ADGRB3: variants seen among roughly 807,000 people sequenced by gnomAD.
ADGRB3 encodes adhesion G protein-coupled receptor B3.
ADGRB3 carries 37 observed loss-of-function variants against 193.4 expected under a neutral mutation model. That is an observed-to-expected ratio of 0.19 (90% CI 0.15 to 0.25). The LOEUF (loss-of-function observed/expected upper bound fraction) is 0.25. ADGRB3 is among the 10% of genes least tolerant of loss of function. The probability of loss-of-function intolerance (pLI) is 1.00; values close to 1 mark genes in which losing one functional copy is unlikely to be tolerated. For missense variants in ADGRB3, 1,637 were observed against 1,852.9 expected (o/e 0.88, Z 2.14); for synonymous variants, 690 against 644.2 (o/e 1.07, Z -1.08).
chr6:69,361,992 T>A (rs1769465444), intron 29 of ADGRB3, among the ~76,000 whole-genome samples: 1 of 151,940 alleles, frequency 6.6e-6, no homozygotes, highest in Admixed American at 6.6e-5. Flanking sequence ...TTTCTCTAAA[T>A]GTTTTACCAT....
intron 17 of ADGRB3, among the ~76,000 whole-genome samples, chr6:69,194,333 T>C (rs575335087): frequency 4.6e-5 from 7 of 152,074 alleles, no homozygotes; most frequent in Non-Finnish European, 2.9e-5. Flanking sequence ...ACATATTGGG[T>C]AATAGTGATA....
intron 11 of ADGRB3, among the ~76,000 whole-genome samples, chr6:69,012,442 G>A (rs1047799379): frequency 9.9e-5 from 15 of 152,092 alleles, no homozygotes; most frequent in African/African-American, 3.6e-4. Flanking sequence ...CCAGTCACAG[G>A]CAATTGGAGA....
At chr6:69,091,006 A>C (rs1772689103) in intron 17 of ADGRB3, among the ~76,000 whole-genome samples, 1 of 152,236 alleles carries the variant, frequency 6.6e-6, no homozygotes, top group Admixed American at 6.5e-5. Flanking sequence ...ACTTCTAAAA[A>C]GACATACATG....
intron 17 of ADGRB3, among the ~76,000 whole-genome samples, chr6:69,175,136 G>T (rs1159106074): frequency 1.3e-5 from 2 of 151,936 alleles, no homozygotes; most frequent in African/African-American, 4.8e-5. Context: ...GTCAGTTTTT[G>T]GGTTTTTTTT....
intron 26 of ADGRB3, among the ~76,000 whole-genome samples, chr6:69,352,970 T>C (rs79403576): frequency 0.11 from 16,480 of 151,910 alleles, 1,073 homozygotes; most frequent in Middle Eastern, 0.3. Context: ...TAAAACAGAG[T>C]GTAATAAACA....
At chr6:69,286,612 G>T (rs145183862) in intron 20 of ADGRB3, among the ~76,000 whole-genome samples, 1 of 152,276 alleles carries the variant, frequency 6.6e-6, no homozygotes, top group East Asian at 1.9e-4. Context: ...TCCAAGTAGA[G>T]AATGCAGCTG....
chr6:69,217,537 C>T (rs1765793645), intron 17 of ADGRB3, among the ~76,000 whole-genome samples: 2 of 152,066 alleles, frequency 1.3e-5, no homozygotes, highest in East Asian at 1.9e-4. Flanking sequence ...AGTAAGGCTG[C>T]GTGATATAGC....
At chr6:69,339,225 G>C (rs919719850) in intron 25 of ADGRB3, 108 bp from the exon 26 acceptor site, 4 of 1,366,208 alleles carry the variant, frequency 2.9e-6, no homozygotes, top group African/African-American at 1.5e-5. Flanking sequence ...TGGTTTCCAA[G>C]TTAATGGTCT....
intron 3 of ADGRB3, among the ~76,000 whole-genome samples, chr6:68,691,920 A>G (rs1765083800): frequency 1.3e-5 from 2 of 151,864 alleles, no homozygotes; most frequent in South Asian, 2.1e-4. Context: ...GGATTGCTTA[A>G]TAAATTTCAA....
chr6:69,256,067 T>C (rs1388212953), intron 20 of ADGRB3, among the ~76,000 whole-genome samples: 2 of 151,742 alleles, frequency 1.3e-5, no homozygotes, highest in African/African-American at 2.4e-5. Context: ...TCTATATCTC[T>C]GTTTTGGTAC....
chr6:68,667,233 T>C (rs1267289454), intron 3 of ADGRB3, among the ~76,000 whole-genome samples: 1 of 151,910 alleles, frequency 6.6e-6, no homozygotes, highest in Admixed American at 6.6e-5. Context: ...CTCCCATTAC[T>C]TAAAAGGAAG....
chr6:69,072,997 A>G (rs1273090346), intron 16 of ADGRB3, among the ~76,000 whole-genome samples: 3 of 152,196 alleles, frequency 2.0e-5, no homozygotes, highest in Non-Finnish European at 4.4e-5. Flanking sequence ...AGAACCAGAT[A>G]AGAACCCATT....
chr6:68,744,149 C>T (rs747429639), intron 3 of ADGRB3, among the ~76,000 whole-genome samples: 57 of 151,984 alleles, frequency 3.8e-4, no homozygotes, highest in Non-Finnish European at 7.2e-4. Context: ...GAAGAAAACA[C>T]ACATTTTATT....
chr6:69,198,978 G>A (rs1489728834), intron 17 of ADGRB3, among the ~76,000 whole-genome samples: 2 of 152,116 alleles, frequency 1.3e-5, no homozygotes, highest in South Asian at 2.1e-4. Flanking sequence ...TGATGAGACA[G>A]GCAGAGCAAC....
intron 20 of ADGRB3, among the ~76,000 whole-genome samples, chr6:69,277,888 A>G (rs1409557213): frequency 6.6e-6 from 1 of 152,228 alleles, no homozygotes; most frequent in South Asian, 2.1e-4. Flanking sequence ...ATGATATACT[A>G]CAAGTGAAAT....
At chr6:69,031,212 G>A (rs546283852) in intron 13 of ADGRB3, among the ~76,000 whole-genome samples, 21 of 150,504 alleles carry the variant, frequency 1.4e-4, no homozygotes, top group South Asian at 2.1e-4. Flanking sequence ...AGGCCGAGGC[G>A]GGCGGATCAT....
At chr6:69,121,320 G>T (rs1197871906) in intron 17 of ADGRB3, among the ~76,000 whole-genome samples, 1 of 152,102 alleles carries the variant, frequency 6.6e-6, no homozygotes, top group East Asian at 1.9e-4. Flanking sequence ...CACGGGGTTG[G>T]GGGTAAGGTT....
At chr6:69,088,602 G>A (rs2150316739) in intron 17 of ADGRB3, among the ~76,000 whole-genome samples, 1 of 152,306 alleles carries the variant, frequency 6.6e-6, no homozygotes, top group East Asian at 1.9e-4. Flanking sequence ...TAAAATTCCT[G>A]ACCTCAGGTG....
intron 20 of ADGRB3, among the ~76,000 whole-genome samples, chr6:69,282,365 C>G (rs1561975897): frequency 6.6e-6 from 1 of 152,080 alleles, no homozygotes; most frequent in Non-Finnish European, 1.5e-5. Flanking sequence ...AATGCCCCAA[C>G]CTATGTATAG....
Sources: allele counts gnomAD v4.1 joint callset (sites outside exome capture counted in the v4.1 genomes callset), GRCh38; gene constraint gnomAD v4.1.1; transcripts MANE v1.5; gene names NCBI Gene and HGNC (gene_info 2026-07-23, HGNC 2026-07-21).